The following NLRP14 variants were observed in gnomAD, a reference collection of about 807,000 sequenced individuals.
NLRP14 encodes NLR family pyrin domain containing 14.
NLRP14 carries 105 observed loss-of-function variants against 94.7 expected under a neutral mutation model. The ratio of observed to expected loss-of-function variants is 1.11; its 90% confidence interval spans 0.95 to 1.30. The LOEUF (loss-of-function observed/expected upper bound fraction) is 1.30, where lower values mean the gene tolerates loss of function less well. Ranked by LOEUF, NLRP14 falls within the 50% of genes most tolerant of loss-of-function variation. The pLI, the probability that NLRP14 is intolerant of heterozygous loss-of-function variation, is 0.00. For missense variants in NLRP14, 1,362 were observed against 1,254.1 expected (o/e 1.09, Z -1.30); for synonymous variants, 508 against 459.9 (o/e 1.10, Z -1.34).
intron 10 of NLRP14, among the ~76,000 whole-genome samples, chr11:7,064,910 G>C (rs959311052): frequency 1.3e-5 from 2 of 151,578 alleles, no homozygotes; most frequent in Admixed American, 1.3e-4. Flanking sequence ...TCATTGGTGC[G>C]TGGATCTGTT....
At chr11:7,073,777 C>T (rs1410362301), downstream of NLRP14, among the ~76,000 whole-genome samples, 4 of 152,144 alleles carry the variant, frequency 2.6e-5, no homozygotes, top group South Asian at 2.1e-4. Flanking sequence ...GGGTGAGGTT[C>T]GGAAGGTTCT....
At chr11:7,077,026 C>G in the NLRP14 span, among the ~76,000 whole-genome samples, 1 of 152,234 alleles carries the variant, frequency 6.6e-6, no homozygotes, top group Non-Finnish European at 1.5e-5. Flanking sequence ...GCAGAAGTCA[C>G]TGCCCGAAAC....
At chr11:7,085,071 T>G in the NLRP14 span, among the ~76,000 whole-genome samples, 1 of 152,212 alleles carries the variant, frequency 6.6e-6, no homozygotes, top group Admixed American at 6.5e-5. Context: ...TTAACCAGTT[T>G]GGTAGCATTA....
At position 7,043,999 on chromosome 11, in the gene NLRP14, G is replaced by T; in HGVS notation, c.1958+15G>T. ...ACTAACACTTGGTAAGTGTGTTAGG[G>T]CCATTCCCTGGAAGTGCCCTGTAAG... is the stretch of plus-strand genomic sequence containing the variant. On this transcript the variant is annotated intron_variant, in intron 4 of 11. Transcript: ENST00000299481. 1 of 1,612,692 alleles carries T rather than the reference G, an allele frequency of 6.2e-7. No individual in the cohort carries two copies. Among genetic ancestry groups the T allele is most frequent in the Non-Finnish European group, 8.5e-7 (1 of 1,178,752 alleles).
intron 1 of NLRP14, among the ~76,000 whole-genome samples, chr11:7,031,229 T>A (rs1414467557): frequency 1.3e-5 from 2 of 152,174 alleles, no homozygotes; most frequent in Non-Finnish European, 2.9e-5. Flanking sequence ...GACCGAGGTA[T>A]GGAATGACTC....
At chr11:7,061,919 T>C (rs1852627408) in intron 9 of NLRP14, among the ~76,000 whole-genome samples, 1 of 152,056 alleles carries the variant, frequency 6.6e-6, no homozygotes, top group Admixed American at 6.6e-5. Context: ...CTGGAATAAA[T>C]ATCTTTTTAT....
chr11:7,051,833 G>A (rs1852445521), intron 6 of NLRP14, among the ~76,000 whole-genome samples: 2 of 152,142 alleles, frequency 1.3e-5, no homozygotes, highest in Admixed American at 6.5e-5. Context: ...ATGTTGGCCA[G>A]GATGGTCTCG....
intron 3 of NLRP14, among the ~76,000 whole-genome samples, chr11:7,041,598 C>T (rs1207789922): frequency 1.3e-5 from 2 of 152,132 alleles, no homozygotes; most frequent in East Asian, 1.9e-4. Context: ...ATATTTGACA[C>T]TTATGTGCAC....
chr11:7,060,749 A>G (rs1852605324), intron 9 of NLRP14, among the ~76,000 whole-genome samples: 1 of 152,088 alleles, frequency 6.6e-6, no homozygotes, highest in Non-Finnish European at 1.5e-5. Context: ...TTGCATACAT[A>G]TCCATTGCAT....
At chr11:7,026,462 T>G (rs1852014762) in intron 1 of NLRP14, among the ~76,000 whole-genome samples, 1 of 152,084 alleles carries the variant, frequency 6.6e-6, no homozygotes. Context: ...TGAGATACCA[T>G]CTCACACCAG....
At chr11:7,086,014 T>C in the NLRP14 span, among the ~76,000 whole-genome samples, 3 of 152,218 alleles carry the variant, frequency 2.0e-5, no homozygotes, top group Non-Finnish European at 2.9e-5. Context: ...TGGGTGGGTG[T>C]ACAAATATCT....
rs758968602 is a variant in NLRP14 at position 7,062,398 on chromosome 11, C to T, written c.2870C>T (p.Pro957Leu). ...LDLASVILNN[P>L]NLRSLDLGNN... ...CTGGCTTCTGTTATTTTGAATAACCCAAACCTGAGGAGCCTGGACCTTGGG... is the reference window on the plus strand; with the variant it reads ...CTGGCTTCTGTTATTTTGAATAACCTAAACCTGAGGAGCCTGGACCTTGGG... Residue 957 changes from proline (P) to leucine (L), a missense_variant, in exon 10 of 12, where the codon CCA becomes CTA. Transcript: ENST00000299481. 1.9e-6 allele frequency: 3 copies of T among 1,612,804 alleles called. No homozygotes were observed. The African/African-American group carries it at 4.0e-5, about 22-fold the overall frequency.
chr11:7,075,864 A>C (rs990129731), downstream of NLRP14, among the ~76,000 whole-genome samples: 3 of 152,062 alleles, frequency 2.0e-5, no homozygotes, highest in Admixed American at 6.6e-5. Context: ...ATCATCGGGG[A>C]TCTCCCCTCC....
intron 1 of NLRP14, among the ~76,000 whole-genome samples, chr11:7,036,467 T>C (rs1303565446): frequency 2.6e-5 from 4 of 151,904 alleles, no homozygotes; most frequent in Non-Finnish European, 4.4e-5. Context: ...AGGAGGAAAA[T>C]GAAAAAAGTG....
At chr11:7,080,755 C>G in the NLRP14 span, among the ~76,000 whole-genome samples, 1 of 152,108 alleles carries the variant, frequency 6.6e-6, no homozygotes, top group Non-Finnish European at 1.5e-5. Context: ...AAAGAGATAG[C>G]GTAAGACTTA....
At chr11:7,089,384 G>A in the NLRP14 span, 1 of 1,602,080 alleles carries the variant, frequency 6.2e-7, no homozygotes, top group Non-Finnish European at 8.5e-7. Context: ...CCAAACCGGC[G>A]TTCGAGAGCA....
Position 7,063,878 on chromosome 11 carries a change from A to G in NLRP14, c.2975+1375A>G, listed in dbSNP as rs72849576. ...AGGTCTTTTATGCTTTAGAACCCAT[A>G]CAAGGGAGTCTAAAATGAGCTGCCA... is the stretch of plus-strand genomic sequence containing the variant. On this transcript the variant is annotated intron_variant, in intron 10 of 11. Coordinates refer to ENST00000299481, the MANE Select transcript of NLRP14 (RefSeq NM_176822.4). Among the ~76,000 whole-genome samples the G allele has an allele frequency of 3.8e-3, 583 of 152,188 alleles. 1 individual carries two copies. The highest frequency in any genetic ancestry group is 5.2e-3 in the Non-Finnish European group (352 of 67,972).
chr11:7,023,161 G>C lies in NLRP14; in HGVS notation c.-22+2391G>C, dbSNP rs1308598257. On this transcript the variant is annotated intron_variant, in intron 1 of 11. Transcript: ENST00000299481. The stretch of plus-strand genomic sequence containing the variant: ...AATGTAATAGGTGTGTATGACAGCA[G>C]ATCAGATCCACCAGAGAAGAGGAAA... Among the ~76,000 whole-genome samples the C allele has an allele frequency of 5.3e-5, 8 of 151,378 alleles. 1 individual carries two copies. Among genetic ancestry groups the C allele is most frequent in the Non-Finnish European group, 4.4e-5 (3 of 67,844 alleles).
chr11:7,066,231 T>G (rs10839710), intron 10 of NLRP14, among the ~76,000 whole-genome samples: 98,925 of 152,046 alleles, frequency 0.65, 32,853 homozygotes, highest in East Asian at 0.93. Context: ...CCCAGTAATG[T>G]GATTGCTGGA....
Sources: gnomAD v4.1 joint callset for allele counts (sites outside exome capture counted in the v4.1 genomes callset) on GRCh38, gnomAD v4.1.1 for gene constraint, MANE v1.5 for transcripts, NCBI Gene and HGNC (gene_info 2026-07-23, HGNC 2026-07-21) for gene names.